TMED3: variants seen among roughly 807,000 people sequenced by gnomAD.
The protein encoded by TMED3 is transmembrane emp24 domain-containing protein 3.
Under a neutral mutation model 15.0 loss-of-function variants are expected in TMED3, and 9 were observed. The observed-to-expected ratio is 0.60, with a 90% CI of 0.36 to 1.04. The LOEUF (loss-of-function observed/expected upper bound fraction) is 1.04, where lower values mean the gene tolerates loss of function less well. Among genes scored for constraint, TMED3 ranks in the 50% least tolerant of loss-of-function variants. TMED3 has a pLI of 0.01. For missense variants in TMED3, 267 were observed against 278.9 expected (o/e 0.96, Z 0.30); for synonymous variants, 117 against 121.4 (o/e 0.96, Z 0.24).
intron 2 of TMED3, among the ~76,000 whole-genome samples, chr15:79,385,626 C>T (rs1305881103): frequency 1.3e-5 from 2 of 152,166 alleles, no homozygotes; most frequent in Non-Finnish European, 2.9e-5. Context: ...TGGGTGCCTG[C>T]AGCTGCACCC....
At chr15:79,343,150 G>T (rs541140430) in intron 2 of TMED3, among the ~76,000 whole-genome samples, 52 of 152,280 alleles carry the variant, frequency 3.4e-4, no homozygotes, top group Admixed American at 2.4e-3. Context: ...GTTAAAAAGT[G>T]AAGTTCAAGG....
At chr15:79,329,133 A>G (rs2058798160) in intron 2 of TMED3, among the ~76,000 whole-genome samples, 2 of 152,192 alleles carry the variant, frequency 1.3e-5, no homozygotes, top group Admixed American at 1.3e-4. Context: ...GTTGTCAAGT[A>G]TTAGCAAATG....
rs938366682 is a variant in TMED3, at chr15:79,364,240, C to T, written c.418-47160C>T. On this transcript the variant is annotated intron_variant, in intron 2 of 2. Transcript: ENST00000424155. ...AAGGCACGAATTCCTGGTGGCTCCA[C>T]CCCCATTCCCCCAGTGTGCATGTGG... 3.9e-5 allele frequency among the ~76,000 whole-genome samples: 6 copies of T among 152,142 alleles called. No homozygotes were observed. In the East Asian group the frequency reaches 1.2e-3, roughly 29 times the overall value.
chr15:79,374,345 G>A (rs1371070154), intron 2 of TMED3, among the ~76,000 whole-genome samples: 1 of 152,138 alleles, frequency 6.6e-6, no homozygotes, highest in African/African-American at 2.4e-5. Flanking sequence ...CCAAAGGAAG[G>A]AAAGTATAAT....
At chr15:79,380,976 G>T (rs186589211) in intron 2 of TMED3, among the ~76,000 whole-genome samples, 3 of 152,256 alleles carry the variant, frequency 2.0e-5, no homozygotes, top group Admixed American at 1.3e-4. Context: ...ATAAGGATGT[G>T]TCTTTCTTTT....
At chr15:79,344,482 G>C (rs930294016) in intron 2 of TMED3, among the ~76,000 whole-genome samples, 1 of 152,134 alleles carries the variant, frequency 6.6e-6, no homozygotes, top group Non-Finnish European at 1.5e-5. Flanking sequence ...ACATGACTAG[G>C]TTCCATGACA....
intron 2 of TMED3, among the ~76,000 whole-genome samples, chr15:79,345,074 A>T (rs946246896): frequency 6.6e-6 from 1 of 152,218 alleles, no homozygotes; most frequent in Admixed American, 6.5e-5. Flanking sequence ...AGGACCACCA[A>T]CTCAATAGAA....
intron 2 of TMED3, among the ~76,000 whole-genome samples, chr15:79,351,786 G>A (rs1298037931): frequency 6.6e-6 from 1 of 152,160 alleles, no homozygotes; most frequent in East Asian, 1.9e-4. Flanking sequence ...CATGTTTATA[G>A]CAGCACAATT....
chr15:79,392,123 T>C (rs1414518392), intron 2 of TMED3, among the ~76,000 whole-genome samples: 1 of 152,250 alleles, frequency 6.6e-6, no homozygotes, highest in African/African-American at 2.4e-5. Context: ...CCACTCATCA[T>C]GCTATTTGTT....
chr15:79,339,798 G>A (rs541697371), intron 2 of TMED3, among the ~76,000 whole-genome samples: 37 of 151,274 alleles, frequency 2.4e-4, no homozygotes, highest in Non-Finnish European at 4.9e-4. Context: ...CAGTGGTGGT[G>A]GTGATGGTGT....
At chr15:79,404,692 G>A (rs1055503081) in intron 2 of TMED3, among the ~76,000 whole-genome samples, 5 of 152,066 alleles carry the variant, frequency 3.3e-5, no homozygotes, top group African/African-American at 7.2e-5. Context: ...AACATTTGCC[G>A]CTACCCAGAA....
At chr15:79,353,343 T>C (rs2058905059) in intron 2 of TMED3, among the ~76,000 whole-genome samples, 1 of 86,892 alleles carries the variant, frequency 1.2e-5, no homozygotes, top group African/African-American at 4.6e-5. Flanking sequence ...ATTATGTATA[T>C]AAAATATATG....
At chr15:79,373,259 A>C (rs1273630448) in intron 2 of TMED3, among the ~76,000 whole-genome samples, 2 of 152,222 alleles carry the variant, frequency 1.3e-5, no homozygotes, top group African/African-American at 4.8e-5. Context: ...AAAGGGCTGC[A>C]TTTTCAACAG....
chr15:79,406,953 T>C, intron 2 of TMED3, among the ~76,000 whole-genome samples: 1 of 152,346 alleles, frequency 6.6e-6, no homozygotes, highest in Non-Finnish European at 1.5e-5. Context: ...TCCAGGCCAA[T>C]GGAAGACAGT....
intron 2 of TMED3, among the ~76,000 whole-genome samples, chr15:79,337,937 G>T (rs1443553996): frequency 6.6e-6 from 1 of 152,232 alleles, no homozygotes; most frequent in Admixed American, 6.5e-5. Flanking sequence ...TTGCATGCTT[G>T]TATATGGGGA....
chr15:79,318,036 C>G (rs1172812094), intron 2 of TMED3, among the ~76,000 whole-genome samples: 1 of 152,234 alleles, frequency 6.6e-6, no homozygotes, highest in Admixed American at 6.5e-5. Flanking sequence ...TCCACGCATC[C>G]CCATCACCAT....
chr15:79,408,628 CAG>C (rs1240639955), intron 2 of TMED3, among the ~76,000 whole-genome samples: 2 of 152,110 alleles, frequency 1.3e-5, no homozygotes, highest in East Asian at 3.8e-4. Flanking sequence ...GGGGAGAACT[CAG>C]AGAGAATGGC....
In TMED3 at chr15:79,322,064, C is replaced by G. The variant is rs752551180; in HGVS notation, c.504C>G (p.Asp168Glu). 6.2e-7 allele frequency: 1 copy of G among 1,614,218 alleles called. No individual in the cohort carries two copies. Among genetic ancestry groups the G allele is most frequent in the Non-Finnish European group, 8.5e-7 (1 of 1,180,040 alleles). The change falls in exon 3 of 3, where the codon GAC becomes GAG. Residue 168 changes from aspartate to glutamate, a missense_variant. Coordinates refer to ENST00000299705, the MANE Select transcript of TMED3 (RefSeq NM_007364.4). ...ATTACCGGCTGCGGGAGGCCCAGGA[C>G]CGGGCCCGAGCAGAAGACCTTAATA... ...QTHYRLREAQ[D>E]RARAEDLNSR... is the part of the protein sequence containing the mutation.
intron 2 of TMED3, among the ~76,000 whole-genome samples, chr15:79,365,238 T>C (rs1363029875): frequency 6.6e-6 from 1 of 152,154 alleles, no homozygotes; most frequent in Non-Finnish European, 1.5e-5. Context: ...GGCCCACAGG[T>C]CATAGGTGAA....
Sources: allele counts gnomAD v4.1 joint callset (sites outside exome capture counted in the v4.1 genomes callset), GRCh38; gene constraint gnomAD v4.1.1; transcripts MANE v1.5; gene names NCBI Gene and HGNC (gene_info 2026-07-23, HGNC 2026-07-21).